Variants in SERPINB13 observed in about 807,000 individuals in gnomAD.
SERPINB13 encodes the protein serpin family B member 13, also known as serpin B13.
SERPINB13 carries 26 observed loss-of-function variants against 31.2 expected under a neutral mutation model. That is an observed-to-expected ratio of 0.83 (90% CI 0.61 to 1.15). SERPINB13 has a LOEUF of 1.15. SERPINB13 is among the 50% of genes most tolerant of loss of function. SERPINB13 has a pLI of 0.00. For missense variants in SERPINB13, 510 were observed against 469.4 expected (o/e 1.09, Z -0.80); for synonymous variants, 191 against 172.4 (o/e 1.11, Z -0.85).
chr18:63,595,138 T>A lies in SERPINB13; in HGVS notation c.725T>A (p.Leu242Gln), dbSNP rs1011729024. 4.0e-5 allele frequency: 65 copies of A among 1,613,922 alleles called. No homozygotes were observed. Among genetic ancestry groups the A allele is most frequent in the African/African-American group, 5.3e-5 (4 of 74,918 alleles). ...ILGIPYKNND[L>Q]SMFVLLPNDI... ...GGGATTCCATATAAAAACAACGACCTAAGCATGTTTGTGCTTCTGCCCAAC... is the reference window on the plus strand; with the variant it reads ...GGGATTCCATATAAAAACAACGACCAAAGCATGTTTGTGCTTCTGCCCAAC... The change falls in exon 7 of 8, where the codon CTA becomes CAA. Residue 242 changes from leucine (L) to glutamine (Q), a missense_variant. Physicochemically the swap from Leu to Gln is moderately radical, Grantham distance 113 (BLOSUM62 -2). Coordinates refer to ENST00000344731, the MANE Select transcript of SERPINB13 (RefSeq NM_012397.4).
rs1056293293 is a variant in SERPINB13, at chr18:63,597,071, A to G, written c.884A>G (p.Asp295Gly). ...CGGTTTGAGGTGGAGGACGGTTACG[A>G]TCTAGAGGCGGTCCTGGCTGCCATG... The part of the protein sequence containing the change: ...LPRFEVEDGY[D>G]LEAVLAAMGM... Residue 295 changes from aspartate (D) to glycine (G), a missense_variant, in exon 8 of 8, where the codon GAT becomes GGT. Transcript: ENST00000344731. 1.2e-6 allele frequency: 2 copies of G among 1,614,200 alleles called. No individual in the cohort carries two copies. The highest frequency in any genetic ancestry group is 1.6e-4 in the Middle Eastern group (1 of 6,062).
chr18:63,592,918 C>T lies in SERPINB13; in HGVS notation c.419C>T (p.Ala140Val), dbSNP rs1245145831. Residue 140 changes from alanine to valine, a missense_variant, in exon 5 of 8, where the codon GCA becomes GTA. Transcript: ENST00000344731. ...ASLEPVDFVNAADESRKKINS... is the reference protein window; with the variant it reads ...ASLEPVDFVNVADESRKKINS... The stretch of plus-strand genomic sequence containing the variant: ...CTGGAACCTGTTGATTTTGTAAATG[C>T]AGCCGATGAAAGTCGAAAGAAGATT... The T allele has an allele frequency of 1.2e-6, 2 of 1,613,306 alleles. No individual in the cohort carries two copies. The highest frequency in any genetic ancestry group is 2.2e-5 in the South Asian group (2 of 90,936).
intron 6 of SERPINB13, 125 bp downstream of exon 6, chr18:63,594,622 T>C (rs1440184937): frequency 2.6e-5 from 26 of 985,610 alleles, no homozygotes; most frequent in Non-Finnish European, 3.6e-5. Flanking sequence ...GGGTGGATCA[T>C]GAGATCAAGG....
chr18:63,593,684 A>G (rs901799393), intron 5 of SERPINB13, among the ~76,000 whole-genome samples: 1 of 146,834 alleles, frequency 6.8e-6, no homozygotes, highest in Admixed American at 6.9e-5. Context: ...CAATTATCAG[A>G]GAGAACTTTG....
rs897447473 is a variant in SERPINB13 at position 63,599,018 on chromosome 18, T to A, written c.*1655T>A. 6.6e-6 allele frequency: 1 copy of A among 152,186 alleles called. No individual in the cohort carries two copies. The highest frequency in any genetic ancestry group is 1.5e-5 in the Non-Finnish European group (1 of 68,018). 9.4% of individuals were successfully genotyped at this position (152,186 alleles called of 1,614,324 possible). On this transcript the variant is annotated 3_prime_UTR_variant, in exon 8 of 8. Transcript: ENST00000344731. ...ATATCTAATTAGGTTGAGCTTTTTT[T>A]ATGTGCTTATTGGCCATTTGTTTGA...
Position 63,587,447 on chromosome 18 carries a change from C to T in SERPINB13, c.-21C>T, listed in dbSNP as rs532425969. The T allele has an allele frequency of 2.3e-5, 11 of 470,876 alleles. No homozygotes were observed. Among genetic ancestry groups the T allele is most frequent in the Non-Finnish European group, 4.4e-5 (10 of 226,962 alleles). The allele number at this position is 470,876 out of a possible 1,614,324, so 29.2% of individuals were successfully genotyped here. A position where few individuals can be genotyped will look rare whatever the true frequency, so the allele number is the denominator to read the frequency against. Reference sequence around the variant, plus strand: ...AGCCACCACCGTCTCTCCAAAAACCCGAGGTAAGTTCTTATTTTGGCTCCA... The same window carrying T: ...AGCCACCACCGTCTCTCCAAAAACCTGAGGTAAGTTCTTATTTTGGCTCCA... On this transcript the variant is annotated 5_prime_UTR_variant, in exon 1 of 8. Coordinates refer to ENST00000344731, the MANE Select transcript of SERPINB13 (RefSeq NM_012397.4).
chr18:63,588,081 G>A (rs1157882442), intron 1 of SERPINB13, among the ~76,000 whole-genome samples: 3 of 152,212 alleles, frequency 2.0e-5, no homozygotes, highest in Admixed American at 2.0e-4. Flanking sequence ...GTTAGGGAAA[G>A]GGGTTTAAGA....
rs1369541340 is a variant in SERPINB13 at position 63,595,112 on chromosome 18, A to G, written c.699A>G (p.Leu233=). Residue 233 remains leucine (L), a synonymous_variant, in exon 7 of 8, where the codon CTA becomes CTG. Transcript: ENST00000344731. The part of the protein sequence containing the change: ...TFLEDLQAKI[L]GIPYKNNDLS... ...TGGAGGACTTGCAGGCCAAAATTCT[A>G]GGGATTCCATATAAAAACAACGACC... 1.2e-6 allele frequency: 2 copies of G among 1,614,108 alleles called. No individual in the cohort carries two copies. The highest frequency in any genetic ancestry group is 4.5e-5 in the East Asian group (2 of 44,878).
chr18:63,590,202 C>T (rs1167128012), intron 3 of SERPINB13, among the ~76,000 whole-genome samples: 1 of 152,156 alleles, frequency 6.6e-6, no homozygotes, highest in Admixed American at 6.5e-5. Flanking sequence ...TATTTTTAAC[C>T]CCGTGCTGAT....
In SERPINB13 at chr18:63,594,498, G is replaced by T. The variant is rs774017029; in HGVS notation, c.615+1G>T. ...GGAAGAGAAATTTTGGATGAATAAG[G>T]TATGGCCCTTAGTTTATTTTCGTGA... On this transcript the variant is annotated splice_donor_variant, in intron 6 of 7. Coordinates refer to ENST00000344731, the MANE Select transcript of SERPINB13 (RefSeq NM_012397.4). LOFTEE classifies it high-confidence loss of function. 4.3e-6 allele frequency: 7 copies of T among 1,613,348 alleles called. No individual in the cohort carries two copies. The South Asian group carries it at 6.6e-5, about 15-fold the overall frequency.
chr18:63,590,850 A>G (rs1230505263), intron 3 of SERPINB13, among the ~76,000 whole-genome samples: 2 of 152,186 alleles, frequency 1.3e-5, no homozygotes, highest in Non-Finnish European at 2.9e-5. Flanking sequence ...CTGAAAGGAT[A>G]TTAGCACTGG....
In SERPINB13 at chr18:63,592,920, G is replaced by C; in HGVS notation, c.421G>C (p.Ala141Pro). ...GGAACCTGTTGATTTTGTAAATGCA[G>C]CCGATGAAAGTCGAAAGAAGATTAA... ...SLEPVDFVNA[A>P]DESRKKINSW... The change falls in exon 5 of 8, where the codon GCC becomes CCC. Residue 141 changes from alanine to proline, a missense_variant. Coordinates refer to ENST00000344731, the MANE Select transcript of SERPINB13 (RefSeq NM_012397.4). 6.2e-7 allele frequency: 1 copy of C among 1,613,506 alleles called. No homozygotes were observed. Among genetic ancestry groups the C allele is most frequent in the Non-Finnish European group, 8.5e-7 (1 of 1,179,674 alleles).
At chr18:63,594,555 T>C in intron 6 of SERPINB13, 58 bp downstream of exon 6, 1 of 1,579,166 alleles carries the variant, frequency 6.3e-7, no homozygotes, top group South Asian at 1.2e-5. Flanking sequence ...AAGTCTAAAG[T>C]CATGGCTGGG....
intron 7 of SERPINB13, 120 bp downstream of exon 7, chr18:63,595,304 G>A: frequency 2.1e-6 from 2 of 952,590 alleles, no homozygotes; most frequent in Non-Finnish European, 3.1e-6. Flanking sequence ...CTCTCCAGCA[G>A]CTACAGATGG....
At chr18:63,593,918 C>T (rs1599450056) in intron 5 of SERPINB13, 1 of 455,202 alleles carries the variant, frequency 2.2e-6, no homozygotes, top group East Asian at 7.0e-5. Flanking sequence ...TAATAGCTAA[C>T]ACAGAGTGCT....
At chr18:63,596,106 G>C (rs113021787) in intron 7 of SERPINB13, among the ~76,000 whole-genome samples, 4 of 152,204 alleles carry the variant, frequency 2.6e-5, no homozygotes, top group African/African-American at 9.6e-5. Flanking sequence ...ACGTGCAGCA[G>C]TGTTGGAATG....
At chr18:63,587,599 T>G (rs1386341713) in intron 1 of SERPINB13, 149 bp downstream of exon 1, 4 of 370,332 alleles carry the variant, frequency 1.1e-5, no homozygotes, top group Non-Finnish European at 1.1e-5. Flanking sequence ...CAATGTATCT[T>G]CTTTGACAGT....
intron 7 of SERPINB13, among the ~76,000 whole-genome samples, chr18:63,596,178 A>G (rs1300481574): frequency 1.3e-5 from 2 of 152,210 alleles, no homozygotes; most frequent in African/African-American, 4.8e-5. Flanking sequence ...GATAACTGCT[A>G]TCGTCTTATA....
In SERPINB13 at chr18:63,597,594, T is replaced by C. The variant is rs79812012; in HGVS notation, c.*231T>C. 19 of 472,930 alleles carry C rather than the reference T, an allele frequency of 4.0e-5. No homozygotes were observed. The highest frequency in any genetic ancestry group is 1.9e-4 in the South Asian group (5 of 26,772). The allele number at this position is 472,930 out of a possible 1,614,324, so 29.3% of individuals were successfully genotyped here. ...GTAAGGTGAGTCAAACCAAACCTCA[T>C]TGATAATCTCCCTTTGGTTTCCTTT... On this transcript the variant is annotated 3_prime_UTR_variant, in exon 8 of 8. Coordinates refer to ENST00000344731, the MANE Select transcript of SERPINB13 (RefSeq NM_012397.4).
Sources: allele counts gnomAD v4.1 joint callset (sites outside exome capture counted in the v4.1 genomes callset), GRCh38; gene constraint gnomAD v4.1.1; transcripts MANE v1.5; gene names NCBI Gene and HGNC (gene_info 2026-07-23, HGNC 2026-07-21).